Variants in BIRC6 observed in about 807,000 individuals in gnomAD.
BIRC6 encodes baculoviral IAP repeat containing 6.
BIRC6 carries 98 observed loss-of-function variants against 503.3 expected under a neutral mutation model. The ratio of observed to expected loss-of-function variants is 0.19; its 90% confidence interval spans 0.17 to 0.23. The LOEUF (loss-of-function observed/expected upper bound fraction) is 0.23, where lower values mean the gene tolerates loss of function less well. Among genes scored for constraint, BIRC6 ranks in the 10% least tolerant of loss-of-function variants. The probability of loss-of-function intolerance (pLI) is 1.00; values close to 1 mark genes in which losing one functional copy is unlikely to be tolerated. For missense variants in BIRC6, 5,360 were observed against 5,806.0 expected, an observed-to-expected ratio of 0.92 and a Z score of 2.50; for synonymous variants, 2,240 against 2,078.7, an observed-to-expected ratio of 1.08 and a Z score of -2.11.
At chr2:32,579,422 T>A (rs2060512560) in intron 66 of BIRC6, among the ~76,000 whole-genome samples, 1 of 152,072 alleles carries the variant, frequency 6.6e-6, no homozygotes. Flanking sequence ...TCATTAAGAA[T>A]CTGGATCCCA....
intron 59 of BIRC6, chr2:32,527,369 CT>C (rs1279004517): frequency 6.6e-6 from 1 of 152,226 alleles, no homozygotes; most frequent in Non-Finnish European, 1.5e-5. Flanking sequence ...ATGCCATGTA[CT>C]TTCCCTCAGA....
chr2:32,401,000 A>G lies in BIRC6; in HGVS notation c.1035-163A>G, dbSNP rs112037726. 5.3e-5 allele frequency among the ~76,000 whole-genome samples: 8 copies of G among 152,360 alleles called. 1 individual carries two copies. Among genetic ancestry groups the G allele is most frequent in the African/African-American group, 1.9e-4 (8 of 41,590 alleles). Reference sequence around the variant, plus strand: ...GAATTTGTAAACGGTTGAACATGTTAGAGTGATCTTCATAAAACTGAATGA... The same window carrying G: ...GAATTTGTAAACGGTTGAACATGTTGGAGTGATCTTCATAAAACTGAATGA... On this transcript the variant is annotated intron_variant, in intron 6 of 73. Coordinates refer to ENST00000421745, the MANE Select transcript of BIRC6 (RefSeq NM_016252.4).
rs2061540842 is a variant in BIRC6 at position 32,594,137 on chromosome 2, T to C, written c.13501+77T>C. ...ATTTACTTACTGAAACCTGCCTTTG[T>C]GTTTTTGCTTTATGTTAATGATTTT... On this transcript the variant is annotated intron_variant, in intron 67 of 73. Transcript: ENST00000421745. 1.6e-5 allele frequency: 24 copies of C among 1,469,884 alleles called. No individual in the cohort carries two copies. In the South Asian group the frequency reaches 3.3e-4, roughly 20 times the overall value. The allele number at this position is 1,469,884 out of a possible 1,614,324, so 91.1% of individuals were successfully genotyped here.
At chr2:32,412,824 A>G (rs1002280864) in intron 9 of BIRC6, among the ~76,000 whole-genome samples, 7 of 152,234 alleles carry the variant, frequency 4.6e-5, no homozygotes, top group South Asian at 2.1e-4. Flanking sequence ...TGCATAGCGC[A>G]TAAATGACAG....
intron 3 of BIRC6, 91 bp downstream of exon 3, chr2:32,380,381 G>T: frequency 7.1e-7 from 1 of 1,405,156 alleles, no homozygotes; most frequent in South Asian, 1.7e-5. Context: ...TTTTGGAAAT[G>T]TTCTAATTCT....
At position 32,481,384 on chromosome 2, in the gene BIRC6, A is replaced by T; in HGVS notation, c.7473A>T (p.Leu2491=). 1.9e-6 allele frequency: 3 copies of T among 1,612,266 alleles called. No homozygotes were observed. The highest frequency in any genetic ancestry group is 2.5e-6 in the Non-Finnish European group (3 of 1,178,858). ...TTGACCTTGAGTTACTTCAGGATCTAATGGAAGTTGACATTGATCCTTTAG... is the reference window on the plus strand; with the variant it reads ...TTGACCTTGAGTTACTTCAGGATCTTATGGAAGTTGACATTGATCCTTTAG... The part of the protein sequence containing the change: ...KEIDLELLQD[L]MEVDIDPLDI... Residue 2491 remains leucine, a synonymous_variant, in exon 38 of 74, where the codon CTA becomes CTT. Coordinates refer to ENST00000421745, the MANE Select transcript of BIRC6 (RefSeq NM_016252.4).
At chr2:32,441,189 G>A (rs1574229329) in intron 16 of BIRC6, 140 bp from the exon 17 acceptor site, 1 of 636,952 alleles carries the variant, frequency 1.6e-6, no homozygotes, top group Non-Finnish European at 2.7e-6. Context: ...TGAATATGAG[G>A]GTACAAGCTA....
chr2:32,429,053 A>G (rs888997567), intron 10 of BIRC6, 93 bp from the exon 11 acceptor site: 29 of 1,062,026 alleles, frequency 2.7e-5, no homozygotes, highest in Non-Finnish European at 3.4e-5. Context: ...CTGCCTATGA[A>G]GTGACATTCA....
chr2:32,591,879 C>G (rs2061403631), intron 66 of BIRC6, among the ~76,000 whole-genome samples: 1 of 152,154 alleles, frequency 6.6e-6, no homozygotes, highest in South Asian at 2.1e-4. Context: ...TGGGTACTGT[C>G]AAGCAGCTTA....
chr2:32,357,392 T>G lies in BIRC6; in HGVS notation c.231T>G (p.Pro77=). 1.9e-6 allele frequency: 3 copies of G among 1,549,194 alleles called. No individual in the cohort carries two copies. Among genetic ancestry groups the G allele is most frequent in the African/African-American group, 1.4e-5 (1 of 73,018 alleles). ...GGCTGCACAGCCTGTCCTACCACCC[T>G]GCGCTCAACGCCATCCTGGCCGTCA... ...ADGLHSLSYH[P]ALNAILAVTS... is the part of the protein sequence containing the mutation. Residue 77 remains proline (P), a synonymous_variant, in exon 1 of 74, where the codon CCT becomes CCG. Coordinates refer to ENST00000421745, the MANE Select transcript of BIRC6 (RefSeq NM_016252.4). This position sits in a 1 kb window ranked among gnomAD's most constrained non-coding sequence, Gnocchi z 4.9.
At chr2:32,521,615 C>T (rs886290942) in intron 57 of BIRC6, among the ~76,000 whole-genome samples, 2 of 150,114 alleles carry the variant, frequency 1.3e-5, no homozygotes, top group Admixed American at 6.7e-5. Flanking sequence ...ATTATAGGCA[C>T]GCGCCACCAC....
At chr2:32,437,487 A>G (rs1201713013) in intron 15 of BIRC6, among the ~76,000 whole-genome samples, 1 of 152,214 alleles carries the variant, frequency 6.6e-6, no homozygotes, top group African/African-American at 2.4e-5. Context: ...ATTTGTGTAC[A>G]TTTGCTTCCT....
intron 65 of BIRC6, among the ~76,000 whole-genome samples, chr2:32,550,183 G>C (rs1026266047): frequency 5.3e-5 from 8 of 151,868 alleles, no homozygotes; most frequent in Admixed American, 2.0e-4. Flanking sequence ...TCTTATCTCT[G>C]TCTTTATCTT....
chr2:32,614,597 G>T (rs1428597774), intron 73 of BIRC6, among the ~76,000 whole-genome samples: 2 of 152,334 alleles, frequency 1.3e-5, no homozygotes, highest in Non-Finnish European at 2.9e-5. Flanking sequence ...GGAGGCCAAG[G>T]CGGGCAGATC....
At chr2:32,451,125 T>C (rs984700049) in intron 22 of BIRC6, among the ~76,000 whole-genome samples, 1 of 152,232 alleles carries the variant, frequency 6.6e-6, no homozygotes, top group Non-Finnish European at 1.5e-5. Context: ...TGCCTCACTT[T>C]AGTGCATTCT....
intron 47 of BIRC6, 145 bp from the exon 48 acceptor site, chr2:32,502,650 A>T (rs2053332011): frequency 5.4e-6 from 3 of 551,890 alleles, no homozygotes. Flanking sequence ...AAGATTTCTT[A>T]TGTATTTTGG....
Position 32,513,081 on chromosome 2 carries a change from G to A in BIRC6, c.10495G>A (p.Ala3499Thr). The A allele has an allele frequency of 6.2e-7, 1 of 1,613,922 alleles. No individual in the cohort carries two copies. The highest frequency in any genetic ancestry group is 1.1e-5 in the South Asian group (1 of 91,086). Residue 3499 changes from alanine to threonine, a missense_variant, in exon 54 of 74, where the codon GCC becomes ACC. By Grantham distance (58) the Ala-to-Thr change is moderately conservative (BLOSUM62 0). Transcript: ENST00000421745. Reference protein sequence around the residue: ...PSPSHLHCVAAILWHSYELLV... With the variant: ...PSPSHLHCVATILWHSYELLV... The stretch of plus-strand genomic sequence containing the variant: ...TCCTTCTCATTTGCACTGTGTAGCA[G>A]CCATTCTGTGGCATAGTTATGAGCT...
intron 59 of BIRC6, chr2:32,527,800 TTGAC>T (rs1198702961): frequency 1.3e-5 from 2 of 152,214 alleles, no homozygotes; most frequent in South Asian, 4.1e-4. Flanking sequence ...TATTCATTCA[TTGAC>T]TGGTGGTAAA....
chr2:32,454,160 G>A (rs1222698651), intron 23 of BIRC6, among the ~76,000 whole-genome samples: 4 of 152,098 alleles, frequency 2.6e-5, no homozygotes, highest in Non-Finnish European at 4.4e-5. Flanking sequence ...ACTTAGAACA[G>A]TGTCTTAAAT....
Sources: allele counts gnomAD v4.1 joint callset (sites outside exome capture counted in the v4.1 genomes callset), GRCh38; gene constraint gnomAD v4.1.1; non-coding constraint Gnocchi (gnomAD v3.1); transcripts MANE v1.5; gene names NCBI Gene and HGNC (gene_info 2026-07-23, HGNC 2026-07-21).